The following UTRN variants were observed in gnomAD, a reference collection of about 807,000 sequenced individuals.
The protein encoded by UTRN is utrophin, also known as dystrophin-related protein 1.
UTRN carries 283 observed loss-of-function variants against 463.9 expected under a neutral mutation model. That is an observed-to-expected ratio of 0.61 (90% CI 0.55 to 0.67). UTRN has a LOEUF of 0.67. Ranked by LOEUF, UTRN falls within the 30% of genes least tolerant of loss-of-function variation. UTRN has a pLI of 0.00. For synonymous variants in UTRN, 1,442 were observed against 1,431.5 expected (o/e 1.01, Z -0.17); for missense variants, 3,922 against 4,084.3 (o/e 0.96, Z 1.08).
In UTRN at chr6:144,573,243, G is replaced by A. The variant is rs190028851; in HGVS notation, c.7290-3856G>A. 1.5e-4 allele frequency among the ~76,000 whole-genome samples: 23 copies of A among 152,068 alleles called. No homozygotes were observed. The East Asian group carries it at 3.9e-3, about 26-fold the overall frequency. On this transcript the variant is annotated intron_variant, in intron 50 of 74. Transcript: ENST00000367545. Reference sequence around the variant, plus strand: ...ATTTTTTCTTGTAAATTGTTTAACCGTAGGAGCTAATTTTAAAGACATAGC... The same window carrying A: ...ATTTTTTCTTGTAAATTGTTTAACCATAGGAGCTAATTTTAAAGACATAGC...
intron 2 of UTRN, among the ~76,000 whole-genome samples, chr6:144,393,047 CCATT>C (rs1404509087): frequency 4.2e-5 from 6 of 143,318 alleles, no homozygotes; most frequent in East Asian, 2.0e-4. Flanking sequence ...ATCCATCCAT[CCATT>C]CATCCATCCA....
chr6:144,458,521 T>C (rs1789097701), intron 19 of UTRN, among the ~76,000 whole-genome samples: 1 of 152,230 alleles, frequency 6.6e-6, no homozygotes, highest in South Asian at 2.1e-4. Context: ...AGGCAGTGGC[T>C]GAAGTTCTAC....
intron 73 of UTRN, 85 bp downstream of exon 73, chr6:144,840,917 T>A: frequency 7.0e-7 from 1 of 1,418,578 alleles, no homozygotes; most frequent in Non-Finnish European, 9.8e-7. Flanking sequence ...CCTTCTTCCT[T>A]AAGATAACAA....
chr6:144,463,535 G>A (rs1294661462), intron 23 of UTRN, among the ~76,000 whole-genome samples: 1 of 151,930 alleles, frequency 6.6e-6, no homozygotes, highest in African/African-American at 2.4e-5. Context: ...TATTTTAATA[G>A]GAAAGTTCTG....
chr6:144,528,581 C>A (rs542036958), intron 41 of UTRN, among the ~76,000 whole-genome samples: 65 of 152,292 alleles, frequency 4.3e-4, no homozygotes, highest in African/African-American at 1.5e-3. Flanking sequence ...AGCTAGCCAT[C>A]CAGCACAGCT....
At chr6:144,423,680 T>G (rs941159159) in intron 5 of UTRN, 54 bp downstream of exon 5, 23 of 1,590,308 alleles carry the variant, frequency 1.4e-5, no homozygotes, top group East Asian at 1.1e-4. Flanking sequence ...CATTATTTAT[T>G]GTGAAACTCA....
intron 53 of UTRN, among the ~76,000 whole-genome samples, chr6:144,728,971 T>C (rs1788225583): frequency 6.6e-6 from 1 of 152,172 alleles, no homozygotes; most frequent in African/African-American, 2.4e-5. Flanking sequence ...AAGCACACTT[T>C]CCAGTATGCT....
At chr6:144,401,952 C>T (rs940834933) in intron 2 of UTRN, among the ~76,000 whole-genome samples, 1 of 152,190 alleles carries the variant, frequency 6.6e-6, no homozygotes, top group Admixed American at 6.5e-5. Context: ...GCAGGACACA[C>T]ATATGGATGG....
chr6:144,408,720 A>C (rs1363624453), intron 3 of UTRN, among the ~76,000 whole-genome samples: 1 of 152,260 alleles, frequency 6.6e-6, no homozygotes, highest in Non-Finnish European at 1.5e-5. Context: ...TTTAGGAGAC[A>C]GTGAGACATT....
At chr6:144,590,755 T>G (rs1475225689) in intron 51 of UTRN, among the ~76,000 whole-genome samples, 2 of 152,086 alleles carry the variant, frequency 1.3e-5, no homozygotes, top group African/African-American at 4.8e-5. Flanking sequence ...ACCAGTTATG[T>G]AACCTTGGCA....
At chr6:144,660,481 C>T (rs1004795828) in intron 51 of UTRN, among the ~76,000 whole-genome samples, 3 of 152,010 alleles carry the variant, frequency 2.0e-5, no homozygotes, top group Non-Finnish European at 4.4e-5. Context: ...GAGGGCTTCT[C>T]ATGATGCCTG....
chr6:144,302,505 G>A (rs1276274864), intron 2 of UTRN, among the ~76,000 whole-genome samples: 1 of 102,860 alleles, frequency 9.7e-6, no homozygotes. Context: ...GTGAGACTCT[G>A]TCTCAAAAAA....
At chr6:144,685,553 C>T (rs939937554) in intron 52 of UTRN, among the ~76,000 whole-genome samples, 1 of 152,068 alleles carries the variant, frequency 6.6e-6, no homozygotes. Flanking sequence ...TAATAATGGC[C>T]GTTCTGGTCA....
At chr6:144,330,746 G>A in intron 2 of UTRN, 1 of 874,474 alleles carries the variant, frequency 1.1e-6, no homozygotes, top group Non-Finnish European at 1.4e-6. Context: ...CCAGGATTGG[G>A]CTATTCACAG....
At position 144,487,646 on chromosome 6, in the gene UTRN, C is replaced by T. The variant is rs780073748; in HGVS notation, c.3921C>T (p.Ile1307=). The part of the protein sequence containing the change: ...LIDGGILDDI[I]SEKLEAFNSR... ...ATGGGGGGATCCTGGATGATATAAT[C>T]AGTGAGAAACTGGAGGCTTTCAACA... Residue 1307 remains isoleucine, a synonymous_variant, in exon 29 of 75, where the codon ATC becomes ATT. Transcript: ENST00000367545. 1 of 1,613,020 alleles carries T rather than the reference C, an allele frequency of 6.2e-7. No homozygotes were observed. The highest frequency in any genetic ancestry group is 8.5e-7 in the Non-Finnish European group (1 of 1,179,430).
In UTRN at chr6:144,719,297, G is replaced by C. The variant is rs181695838; in HGVS notation, c.7810-11060G>C. Among the ~76,000 whole-genome samples, 194 of 152,300 alleles carry C rather than the reference G, an allele frequency of 1.3e-3. 3 individuals carry two copies. The South Asian group carries it at 0.016, about 12-fold the overall frequency. On this transcript the variant is annotated intron_variant, in intron 53 of 74. Coordinates refer to ENST00000367545, the MANE Select transcript of UTRN (RefSeq NM_007124.3). ...CAGAGCTATTGAAAATTTGAAGCAA[G>C]GCCAGGCTCAGTGGCTCATGCCTGT... is the stretch of plus-strand genomic sequence containing the variant.
At chr6:144,635,514 CTTTT>C (rs1402815648) in intron 51 of UTRN, among the ~76,000 whole-genome samples, 1,282 of 79,940 alleles carry the variant, frequency 0.016, 9 homozygotes, top group African/African-American at 0.043. Context: ...CTTTTTTTTT[CTTTT>C]TTTTTTTTTT....
At chr6:144,350,080 T>C (rs1266946998) in intron 2 of UTRN, among the ~76,000 whole-genome samples, 3 of 152,216 alleles carry the variant, frequency 2.0e-5, no homozygotes, top group African/African-American at 7.2e-5. Flanking sequence ...ACTTTCTGTC[T>C]GAGCTGCAGA....
intron 60 of UTRN, among the ~76,000 whole-genome samples, chr6:144,780,043 AAAAT>A (rs1192023800): frequency 6.6e-6 from 1 of 152,226 alleles, no homozygotes; most frequent in Non-Finnish European, 1.5e-5. Context: ...GATAACTTAA[AAAAT>A]AAATAATTCT....
Sources: gnomAD v4.1 joint callset for allele counts (sites outside exome capture counted in the v4.1 genomes callset) on GRCh38, gnomAD v4.1.1 for gene constraint, MANE v1.5 for transcripts, NCBI Gene and HGNC (gene_info 2026-07-23, HGNC 2026-07-21) for gene names.